SYNE2: variants seen among roughly 807,000 people sequenced by gnomAD.
SYNE2 encodes spectrin repeat containing nuclear envelope protein 2, also known as nesprin-2.
A neutral mutation model predicts 856.3 loss-of-function variants in SYNE2; 431 were observed. That is an observed-to-expected ratio of 0.50 (90% CI 0.47 to 0.55). The LOEUF (loss-of-function observed/expected upper bound fraction) is 0.55. Ranked by LOEUF, SYNE2 falls within the 20% of genes least tolerant of loss-of-function variation. SYNE2 has a pLI of 0.00. For missense variants in SYNE2, 8,129 were observed against 8,023.2 expected, an observed-to-expected ratio of 1.01 and a Z score of -0.50; for synonymous variants, 2,923 against 2,872.3, an observed-to-expected ratio of 1.02 and a Z score of -0.56.
intron 79 of SYNE2, among the ~76,000 whole-genome samples, chr14:64,138,946 G>GTATGGTGTGTGT (rs1465109787): frequency 2.5e-4 from 34 of 137,782 alleles, no homozygotes; most frequent in African/African-American, 9.0e-4. Context: ...GTGTATGTAT[G>GTATGGTGTGTGT]GTGTGTGTGT....
intron 1 of SYNE2, among the ~76,000 whole-genome samples, chr14:63,862,905 C>T (rs1894128534): frequency 6.6e-6 from 1 of 151,798 alleles, no homozygotes; most frequent in South Asian, 2.1e-4. Flanking sequence ...TCAAGTGATT[C>T]TACTGCCTCA....
At chr14:63,879,275 G>T (rs1305515837) in intron 1 of SYNE2, among the ~76,000 whole-genome samples, 2 of 152,154 alleles carry the variant, frequency 1.3e-5, no homozygotes, top group Non-Finnish European at 2.9e-5. Flanking sequence ...TTTTTGTAGA[G>T]AATGACTCCT....
chr14:64,209,956 G>C lies in SYNE2; in HGVS notation c.18555G>C (p.Gln6185His). ...ELKRFEAFQR[Q>H]IHERLTQLEL... ...ATGTGATGCAGGCCTTTCAGCGGCA[G>C]ATTCATGAGCGGCTCACTCAGCTGG... The change falls in exon 103 of 116, where the codon CAG (glutamine) becomes CAC (histidine). Residue 6185 changes from glutamine (Q) to histidine (H), a missense_variant. Gln to His is a conservative substitution (Grantham distance 24, BLOSUM62 0). Transcript: ENST00000555002. 1 of 1,614,152 alleles carries C rather than the reference G, an allele frequency of 6.2e-7. No homozygotes were observed. The highest frequency in any genetic ancestry group is 8.5e-7 in the Non-Finnish European group (1 of 1,180,044).
At chr14:64,126,118 A>G (rs2097942464) in intron 71 of SYNE2, among the ~76,000 whole-genome samples, 1 of 152,090 alleles carries the variant, frequency 6.6e-6, no homozygotes, top group East Asian at 1.9e-4. Context: ...TAACTACCTA[A>G]CGTTGAGCTT....
chr14:64,129,658 C>T (rs970225890), intron 74 of SYNE2, 124 bp from the exon 75 acceptor site: 86 of 1,374,798 alleles, frequency 6.3e-5, no homozygotes, highest in East Asian at 7.6e-5. Flanking sequence ...GGTGAGGGAG[C>T]GGGAGCTGGG....
At chr14:64,174,068 ATTTTTT>A (rs774699849) in intron 94 of SYNE2, 2 of 421,054 alleles carry the variant, frequency 4.7e-6, no homozygotes, top group Admixed American at 4.3e-5. Flanking sequence ...TGTCTCTTAA[ATTTTTT>A]TTTTTTTTTT....
chr14:64,085,683 T>C (rs1459814159), intron 57 of SYNE2, among the ~76,000 whole-genome samples: 4 of 152,260 alleles, frequency 2.6e-5, no homozygotes, highest in Non-Finnish European at 5.9e-5. Context: ...CTTAATATTG[T>C]CTGCCTTTTA....
intron 61 of SYNE2, among the ~76,000 whole-genome samples, chr14:64,095,584 C>G (rs948645465): frequency 6.6e-6 from 1 of 151,918 alleles, no homozygotes; most frequent in East Asian, 1.9e-4. Flanking sequence ...GAAAGCAATA[C>G]AGTTTATCAG....
At chr14:64,015,369 T>C (rs1178671261) in intron 32 of SYNE2, among the ~76,000 whole-genome samples, 2 of 152,060 alleles carry the variant, frequency 1.3e-5, no homozygotes, top group African/African-American at 4.8e-5. Flanking sequence ...TCAATTTCTT[T>C]AGTATTAATA....
rs577820160 is a variant in SYNE2 at position 63,954,605 on chromosome 14, A to G, written c.591-114A>G. 3.9e-5 allele frequency: 34 copies of G among 871,696 alleles called. No homozygotes were observed. The East Asian group carries it at 8.5e-4, about 22-fold the overall frequency. 54.0% of individuals were successfully genotyped at this position (871,696 alleles called of 1,614,324 possible). The stretch of plus-strand genomic sequence containing the variant: ...CACAAGATAAAAAATTTTATCTAGC[A>G]TGATGTATCTAATTTACTTGATTTG... On this transcript the variant is annotated intron_variant, in intron 7 of 115. Coordinates refer to ENST00000555002, the MANE Select transcript of SYNE2 (RefSeq NM_182914.3).
intron 1 of SYNE2, among the ~76,000 whole-genome samples, chr14:63,824,312 C>G (rs1160989736): frequency 6.6e-6 from 1 of 151,974 alleles, no homozygotes; most frequent in African/African-American, 2.4e-5. Context: ...TGCCATTGCA[C>G]TCCAGCCTGG....
At chr14:63,871,358 G>T (rs1896794698) in intron 1 of SYNE2, among the ~76,000 whole-genome samples, 1 of 151,752 alleles carries the variant, frequency 6.6e-6, no homozygotes, top group African/African-American at 2.4e-5. Flanking sequence ...AGCATGGGCT[G>T]CCATGCCCGG....
intron 46 of SYNE2, chr14:64,048,993 G>A (rs1308832191): frequency 6.6e-6 from 1 of 151,412 alleles, no homozygotes; most frequent in African/African-American, 2.4e-5. Context: ...ATCTAAAATA[G>A]GAAAGATGGG....
At chr14:64,141,811 TG>T (rs1007712829) in intron 81 of SYNE2, 130 bp from the exon 82 acceptor site, 14 of 1,203,322 alleles carry the variant, frequency 1.2e-5, no homozygotes, top group Non-Finnish European at 1.6e-5. Flanking sequence ...ATGCTGGGTT[TG>T]TTTTTTTTTT....
intron 1 of SYNE2, among the ~76,000 whole-genome samples, chr14:63,865,487 A>T (rs1894947008): frequency 6.6e-6 from 1 of 151,884 alleles, no homozygotes; most frequent in Non-Finnish European, 1.5e-5. Context: ...AGAGTGGAGG[A>T]GAGTGATTCT....
At chr14:63,846,361 A>C (rs144112966) in intron 1 of SYNE2, among the ~76,000 whole-genome samples, 8 of 152,284 alleles carry the variant, frequency 5.3e-5, no homozygotes, top group Non-Finnish European at 1.2e-4. Flanking sequence ...GTTTAGGTGC[A>C]TCAGTGAGAA....
chr14:63,916,786 A>G (rs1029368174), intron 2 of SYNE2, among the ~76,000 whole-genome samples: 6 of 152,132 alleles, frequency 3.9e-5, no homozygotes, highest in Admixed American at 1.3e-4. Flanking sequence ...GAGGAACACT[A>G]TTAATAAAAG....
chr14:63,931,802 CCTATAACTT>C (rs924023023), intron 2 of SYNE2, among the ~76,000 whole-genome samples: 3 of 152,014 alleles, frequency 2.0e-5, no homozygotes, highest in Admixed American at 6.6e-5. Flanking sequence ...AGGAGGGAAA[CCTATAACTT>C]ATGTACCAGA....
intron 71 of SYNE2, 145 bp downstream of exon 71, chr14:64,125,355 A>G: frequency 8.1e-7 from 1 of 1,237,866 alleles, no homozygotes; most frequent in Non-Finnish European, 1.1e-6. Context: ...AATTGAATTG[A>G]TCTTGCTTGC....
Sources: allele counts gnomAD v4.1 joint callset (sites outside exome capture counted in the v4.1 genomes callset), GRCh38; gene constraint gnomAD v4.1.1; transcripts MANE v1.5; gene names NCBI Gene and HGNC (gene_info 2026-07-23, HGNC 2026-07-21).